Variants in PTPRN2 observed in about 807,000 individuals in gnomAD.
PTPRN2 encodes the protein protein tyrosine phosphatase receptor type N2.
PTPRN2 carries 74 observed loss-of-function variants against 118.8 expected under a neutral mutation model. The ratio of observed to expected loss-of-function variants is 0.62; its 90% CI spans 0.52 to 0.76. The LOEUF is 0.76. Ranked by LOEUF, PTPRN2 falls within the 30% of genes least tolerant of loss-of-function variation. PTPRN2 has a pLI of 0.00. For missense variants in PTPRN2, 1,481 were observed against 1,394.4 expected, an observed-to-expected ratio of 1.06 and a Z score of -0.99; for synonymous variants, 641 against 608.0, an observed-to-expected ratio of 1.05 and a Z score of -0.80.
chr7:158,026,005 G>A (rs1441172431), intron 11 of PTPRN2, among the ~76,000 whole-genome samples: 4 of 152,366 alleles, frequency 2.6e-5, no homozygotes, highest in Middle Eastern at 3.4e-3. Context: ...AAGGGGCAGC[G>A]GCTTCCCTAA....
In PTPRN2 at chr7:158,163,243, TTCTC is replaced by T. The variant is rs564975654; in HGVS notation, c.910+3684_910+3687del. Among the ~76,000 whole-genome samples, 13 of 151,838 alleles carry T rather than the reference TTCTC, an allele frequency of 8.6e-5. No homozygotes were observed. In the South Asian group the frequency reaches 1.3e-3, roughly 15 times the overall value. Reference sequence around the variant, plus strand: ...GGTGATGCCTATACCAGGTTCTCAATTCTCTCTATTTCTTAGGTGACGCCTGTAC... The same window carrying T: ...GGTGATGCCTATACCAGGTTCTCAATTCTATTTCTTAGGTGACGCCTGTAC... On this transcript the variant is annotated intron_variant, in intron 6 of 22. Coordinates refer to ENST00000389418, the MANE Select transcript of PTPRN2 (RefSeq NM_002847.5).
intron 11 of PTPRN2, among the ~76,000 whole-genome samples, chr7:157,981,448 C>A (rs1317083324): frequency 6.6e-6 from 1 of 152,172 alleles, no homozygotes; most frequent in African/African-American, 2.4e-5. Context: ...CTAAACCAAT[C>A]AATATATTCA....
chr7:158,211,601 A>T (rs970523383), intron 3 of PTPRN2, among the ~76,000 whole-genome samples: 1 of 152,208 alleles, frequency 6.6e-6, no homozygotes, highest in Non-Finnish European at 1.5e-5. Flanking sequence ...GACGGCAAAC[A>T]GGCGTATGAA....
At chr7:157,755,077 G>A (rs1411524448) in intron 12 of PTPRN2, among the ~76,000 whole-genome samples, 2 of 152,102 alleles carry the variant, frequency 1.3e-5, no homozygotes, top group African/African-American at 4.8e-5. Context: ...GTAGAGACAG[G>A]GTTTCTCCAT....
chr7:158,353,989 CTCAA>C (rs1431613398), intron 2 of PTPRN2, among the ~76,000 whole-genome samples: 4 of 152,232 alleles, frequency 2.6e-5, no homozygotes, highest in Admixed American at 6.5e-5. Context: ...AAAGGAGGCA[CTCAA>C]TCAGAGTGGC....
intron 2 of PTPRN2, among the ~76,000 whole-genome samples, chr7:158,320,698 T>G (rs896779): frequency 0.4 from 61,061 of 152,086 alleles, 12,452 homozygotes; most frequent in Middle Eastern, 0.48. Flanking sequence ...ACAATGATAT[T>G]CATCCTTATC....
At chr7:157,916,398 G>A (rs1050826268) in intron 11 of PTPRN2, among the ~76,000 whole-genome samples, 1 of 152,236 alleles carries the variant, frequency 6.6e-6, no homozygotes, top group Non-Finnish European at 1.5e-5. Flanking sequence ...CTGGGAAGGA[G>A]AGCCAGGTCT....
At chr7:157,552,526 C>A (rs1377220024) in intron 21 of PTPRN2, among the ~76,000 whole-genome samples, 1 of 152,132 alleles carries the variant, frequency 6.6e-6, no homozygotes, top group Non-Finnish European at 1.5e-5. Context: ...ATGAGGGAGG[C>A]TCCATGTGCT....
At chr7:157,860,814 C>T (rs187572282) in intron 12 of PTPRN2, among the ~76,000 whole-genome samples, 1 of 152,356 alleles carries the variant, frequency 6.6e-6, no homozygotes, top group African/African-American at 2.4e-5. Flanking sequence ...TCCGTCCAAC[C>T]AGGGAAGGCC....
intron 9 of PTPRN2, among the ~76,000 whole-genome samples, chr7:158,120,408 C>T (rs181774157): frequency 2.0e-5 from 3 of 152,260 alleles, no homozygotes; most frequent in Non-Finnish European, 4.4e-5. Flanking sequence ...TATAAAAGCA[C>T]CATGACGTGT....
At chr7:158,265,984 G>T (rs1220143683) in intron 3 of PTPRN2, among the ~76,000 whole-genome samples, 1 of 152,236 alleles carries the variant, frequency 6.6e-6, no homozygotes, top group Non-Finnish European at 1.5e-5. Context: ...CTCCCCAGGG[G>T]TTGGGGACCC....
chr7:157,733,499 T>C (rs865835487), intron 12 of PTPRN2, among the ~76,000 whole-genome samples: 21 of 29,558 alleles, frequency 7.1e-4, no homozygotes, highest in East Asian at 6.4e-3. Flanking sequence ...CTCTTTTCCG[T>C]CCCATGCGCC....
intron 12 of PTPRN2, among the ~76,000 whole-genome samples, chr7:157,892,184 G>A (rs943160330): frequency 6.6e-6 from 1 of 152,106 alleles, no homozygotes; most frequent in African/African-American, 2.4e-5. Flanking sequence ...ACGCTGGGCA[G>A]GGGACCTCTC....
intron 12 of PTPRN2, among the ~76,000 whole-genome samples, chr7:157,702,767 C>T (rs1210355728): frequency 6.6e-6 from 1 of 152,240 alleles, no homozygotes; most frequent in Non-Finnish European, 1.5e-5. Context: ...CAGAAAAGTG[C>T]GTGTGTGCCA....
chr7:157,621,126 T>G (rs796890591), intron 15 of PTPRN2, among the ~76,000 whole-genome samples: 11,487 of 52,880 alleles, frequency 0.22, 1,101 homozygotes, highest in Non-Finnish European at 0.27. Flanking sequence ...AGTTTCCCCC[T>G]CCTGTAACCC....
At chr7:158,326,528 C>A (rs139257506) in intron 2 of PTPRN2, among the ~76,000 whole-genome samples, 31 of 152,358 alleles carry the variant, frequency 2.0e-4, no homozygotes, top group Middle Eastern at 3.4e-3. Flanking sequence ...CAGACACATG[C>A]ACATATGCAG....
intron 21 of PTPRN2, among the ~76,000 whole-genome samples, chr7:157,557,407 C>A (rs1798956902): frequency 6.6e-6 from 1 of 152,092 alleles, no homozygotes; most frequent in Non-Finnish European, 1.5e-5. Flanking sequence ...ACACAGAACA[C>A]TCACAGCTCA....
intron 11 of PTPRN2, among the ~76,000 whole-genome samples, chr7:157,941,061 C>T (rs1240271516): frequency 9.6e-5 from 7 of 72,590 alleles, no homozygotes; most frequent in Non-Finnish European, 1.1e-4. Context: ...CACTCTCCCC[C>T]GTGACACTGC....
intron 12 of PTPRN2, among the ~76,000 whole-genome samples, chr7:157,713,331 G>C (rs558992578): frequency 7.2e-5 from 11 of 152,102 alleles, no homozygotes; most frequent in Non-Finnish European, 1.6e-4. Flanking sequence ...ATAGCCCCAC[G>C]GCACGTTTCT....
Sources: allele counts gnomAD v4.1 joint callset (sites outside exome capture counted in the v4.1 genomes callset), GRCh38; gene constraint gnomAD v4.1.1; transcripts MANE v1.5; gene names NCBI Gene and HGNC (gene_info 2026-07-23, HGNC 2026-07-21).